UGGT1: variants seen among roughly 807,000 people sequenced by gnomAD.
UGGT1 encodes UDP-glucose glycoprotein glucosyltransferase 1.
UGGT1 carries 107 observed loss-of-function variants against 203.9 expected under a neutral mutation model. The ratio of observed to expected loss-of-function variants is 0.52; its 90% CI spans 0.45 to 0.62. The LOEUF is 0.62. Ranked by LOEUF, UGGT1 falls within the 20% of genes least tolerant of loss-of-function variation. The pLI, the probability that UGGT1 is intolerant of heterozygous loss-of-function variation, is 0.00. For missense variants in UGGT1, 1,673 were observed against 1,867.2 expected, an observed-to-expected ratio of 0.90 and a Z score of 1.92; for synonymous variants, 628 against 653.5, an observed-to-expected ratio of 0.96 and a Z score of 0.59.
intron 1 of UGGT1, among the ~76,000 whole-genome samples, chr2:128,092,321 C>CTTATTTATTTAT (rs143592868): frequency 0.39 from 56,932 of 145,238 alleles, 11,629 homozygotes; most frequent in East Asian, 0.57. Context: ...TAAAAAAATT[C>CTTATTTATTTAT]TTATTTATTT....
intron 39 of UGGT1, 23 bp from the exon 40 acceptor site, chr2:128,187,426 A>AGT: frequency 6.2e-7 from 1 of 1,608,192 alleles, no homozygotes. Flanking sequence ...ACTCAGCTGA[A>AGT]GTGTGTTCTT....
chr2:128,143,498 G>A (rs564040467), intron 17 of UGGT1, among the ~76,000 whole-genome samples: 1 of 152,288 alleles, frequency 6.6e-6, no homozygotes, highest in East Asian at 1.9e-4. Flanking sequence ...AGTACCAGTA[G>A]CTTTTTATTG....
chr2:128,118,267 TC>T (rs771615316), intron 8 of UGGT1, among the ~76,000 whole-genome samples: 1 of 152,178 alleles, frequency 6.6e-6, no homozygotes, highest in Non-Finnish European at 1.5e-5. Context: ...AGAATCCTTT[TC>T]TAAAAAAATT....
chr2:128,152,666 C>A (rs1690029096), intron 18 of UGGT1, 118 bp from the exon 19 acceptor site: 2 of 1,360,742 alleles, frequency 1.5e-6, no homozygotes, highest in Non-Finnish European at 2.0e-6. Flanking sequence ...TCTGTCTTAA[C>A]TATTATTAGC....
chr2:128,146,321 A>AG (rs1689689118), intron 18 of UGGT1, among the ~76,000 whole-genome samples: 1 of 152,018 alleles, frequency 6.6e-6, no homozygotes, highest in Non-Finnish European at 1.5e-5. Flanking sequence ...GTTAAAAAAA[A>AG]CAAAACAAAA....
In UGGT1 at chr2:128,186,638, C is replaced by A. The variant is rs755595544; in HGVS notation, c.4360-45C>A. On this transcript the variant is annotated intron_variant, in intron 38 of 40. Transcript: ENST00000259253. Reference sequence around the variant, plus strand: ...AATAAATAAATAAATATCGCCAGAACTTTAGATACATGTATTTTATTTTTA... The same window carrying A: ...AATAAATAAATAAATATCGCCAGAAATTTAGATACATGTATTTTATTTTTA... 6 of 1,479,268 alleles carry A rather than the reference C, an allele frequency of 4.1e-6. 1 individual carries two copies. In the African/African-American group the frequency reaches 8.5e-5, roughly 21 times the overall value. The allele number at this position is 1,479,268 out of a possible 1,614,324, so 91.6% of individuals were successfully genotyped here.
chr2:128,138,603 C>CA, intron 15 of UGGT1, 114 bp from the exon 16 acceptor site: 1 of 1,276,252 alleles, frequency 7.8e-7, no homozygotes. Context: ...GCTTTTCACT[C>CA]AAAGAGTTTT....
intron 9 of UGGT1, among the ~76,000 whole-genome samples, chr2:128,120,769 A>G (rs977621857): frequency 2.6e-5 from 4 of 152,192 alleles, no homozygotes; most frequent in African/African-American, 9.7e-5. Flanking sequence ...CTGTTTATCT[A>G]TAGAGTGTTT....
intron 23 of UGGT1, among the ~76,000 whole-genome samples, chr2:128,160,056 A>G (rs760100022): frequency 2.6e-5 from 4 of 152,208 alleles, no homozygotes; most frequent in African/African-American, 4.8e-5. Flanking sequence ...TGTTTCCAGA[A>G]TAAGCCTGTG....
chr2:128,186,794 G>A lies in UGGT1; in HGVS notation c.4471G>A (p.Asp1491Asn). Residue 1491 changes from aspartate (D) to asparagine (N), a missense_variant, in exon 39 of 41, where the codon GAT becomes AAT. Transcript: ENST00000259253. ...DASKKRAKTI[D>N]LCNNPMTKEP... ...CTCTAAGAAAAGGGCAAAAACCATT[G>A]ATTTGGTAAGCCGTATGTGGTGTGC... 6.2e-7 allele frequency: 1 copy of A among 1,611,914 alleles called. No individual in the cohort carries two copies. Among genetic ancestry groups the A allele is most frequent in the Non-Finnish European group, 8.5e-7 (1 of 1,178,610 alleles).
At chr2:128,183,085 A>G (rs561997088) in intron 37 of UGGT1, among the ~76,000 whole-genome samples, 4 of 152,260 alleles carry the variant, frequency 2.6e-5, no homozygotes, top group Admixed American at 2.6e-4. Context: ...TATCTCATAT[A>G]TTTGTGAGAT....
chr2:128,159,367 G>A, intron 22 of UGGT1, 147 bp from the exon 23 acceptor site: 1 of 711,868 alleles, frequency 1.4e-6, no homozygotes, highest in Non-Finnish European at 2.3e-6. Flanking sequence ...CCAAAGTGCT[G>A]GGATTACAGG....
intron 1 of UGGT1, 98 bp downstream of exon 1, chr2:128,091,513 C>T (rs749329098): frequency 6.7e-7 from 1 of 1,495,954 alleles, no homozygotes; most frequent in Non-Finnish European, 8.9e-7. Flanking sequence ...CCGCCTCTAC[C>T]GTGACTCAGT....
chr2:128,091,591 G>C, intron 1 of UGGT1, 176 bp downstream of exon 1: 1 of 1,438,570 alleles, frequency 7.0e-7, no homozygotes, highest in Middle Eastern at 1.8e-4. Context: ...TGGTCTTCTT[G>C]GCAAGGTATC....
chr2:128,159,730 T>C lies in UGGT1; in HGVS notation c.2562+10T>C, dbSNP rs1690435098. On this transcript the variant is annotated intron_variant, in intron 23 of 40. Transcript: ENST00000259253. ...GGAGTTCTCTGTTGGGGTAAGGCTC[T>C]GAGCCTCTCATGAGGCTGCCCCATT... is the stretch of plus-strand genomic sequence containing the variant. 6.2e-7 allele frequency: 1 copy of C among 1,612,860 alleles called. No individual in the cohort carries two copies. Among genetic ancestry groups the C allele is most frequent in the Non-Finnish European group, 8.5e-7 (1 of 1,179,272 alleles).
intron 37 of UGGT1, among the ~76,000 whole-genome samples, chr2:128,183,329 C>A (rs554990143): frequency 6.6e-6 from 1 of 152,152 alleles, no homozygotes; most frequent in Non-Finnish European, 1.5e-5. Flanking sequence ...GGTTTTCCCC[C>A]CCCTGTAACA....
At chr2:128,103,109 G>T (rs1430904538) in intron 2 of UGGT1, 23 of 470,882 alleles carry the variant, frequency 4.9e-5, no homozygotes, top group Non-Finnish European at 1.8e-5. Flanking sequence ...GTACACCCCA[G>T]TGTTCACAAG....
chr2:128,140,195 G>A, intron 16 of UGGT1: 1 of 172,924 alleles, frequency 5.8e-6, no homozygotes. Context: ...GCCATACCCG[G>A]CAGGAATTTC....
chr2:128,133,034 G>C, intron 13 of UGGT1, 107 bp from the exon 14 acceptor site: 3 of 1,386,690 alleles, frequency 2.2e-6, no homozygotes, highest in Non-Finnish European at 3.0e-6. Context: ...AAATGGTCTT[G>C]TCTCACATGA....
Sources: allele counts gnomAD v4.1 joint callset (sites outside exome capture counted in the v4.1 genomes callset), GRCh38; gene constraint gnomAD v4.1.1; transcripts MANE v1.5; gene names NCBI Gene and HGNC (gene_info 2026-07-23, HGNC 2026-07-21).